ERC1: variants seen among roughly 807,000 people sequenced by gnomAD.
The protein encoded by ERC1 is RAB6 interacting protein 2.
ERC1 carries 56 observed loss-of-function variants against 132.0 expected under a neutral mutation model. That is an observed-to-expected ratio of 0.42 (90% CI 0.34 to 0.53). The LOEUF is 0.53. Ranked by LOEUF, ERC1 falls within the 20% of genes least tolerant of loss-of-function variation. The pLI, the probability that ERC1 is intolerant of heterozygous loss-of-function variation, is 0.03. For missense variants in ERC1, 1,202 were observed against 1,349.9 expected (o/e 0.89, Z 1.72); for synonymous variants, 478 against 476.1 (o/e 1.00, Z -0.05).
chr12:1,267,997 G>T (rs965591783), intron 14 of ERC1, among the ~76,000 whole-genome samples: 3 of 152,016 alleles, frequency 2.0e-5, no homozygotes, highest in Non-Finnish European at 2.9e-5. Context: ...ATATTTTTTT[G>T]TTGTTGTTAA....
chr12:1,153,807 A>G (rs543500372), intron 8 of ERC1, among the ~76,000 whole-genome samples: 6 of 152,174 alleles, frequency 3.9e-5, no homozygotes, highest in East Asian at 1.9e-4. Context: ...TTTGGCCTAC[A>G]TAATCACAGG....
chr12:1,169,056 G>A (rs1952767090), intron 8 of ERC1, among the ~76,000 whole-genome samples: 1 of 152,090 alleles, frequency 6.6e-6, no homozygotes, highest in Admixed American at 6.5e-5. Context: ...CAACCAAGTT[G>A]GTGATATACA....
At chr12:1,142,697 T>C (rs1184181419) in intron 8 of ERC1, among the ~76,000 whole-genome samples, 1 of 152,252 alleles carries the variant, frequency 6.6e-6, no homozygotes, top group Non-Finnish European at 1.5e-5. Context: ...ACAATGTCAG[T>C]GTAGTTGGAG....
At chr12:1,259,473 A>G (rs1332228773) in intron 13 of ERC1, among the ~76,000 whole-genome samples, 3 of 141,932 alleles carry the variant, frequency 2.1e-5, no homozygotes, top group Non-Finnish European at 4.7e-5. Context: ...AGGGTACCTT[A>G]GTTTTCCTTT....
intron 15 of ERC1, among the ~76,000 whole-genome samples, chr12:1,317,059 G>A (rs1414502497): frequency 6.6e-6 from 1 of 151,870 alleles, no homozygotes; most frequent in Non-Finnish European, 1.5e-5. Context: ...TACTCAGGAG[G>A]CTGAGACAGG....
At chr12:1,300,864 G>A (rs1053399428) in intron 15 of ERC1, among the ~76,000 whole-genome samples, 1 of 151,990 alleles carries the variant, frequency 6.6e-6, no homozygotes, top group East Asian at 1.9e-4. Context: ...GTATAAATTA[G>A]TTCAACCATT....
intron 14 of ERC1, among the ~76,000 whole-genome samples, chr12:1,283,229 C>T (rs1376021484): frequency 6.6e-6 from 1 of 152,190 alleles, no homozygotes. Context: ...TTACTGAAGG[C>T]AGTTACATAT....
At chr12:990,950 T>A (rs148536385), upstream of ERC1, 97 of 39,440 alleles carry the variant, frequency 2.5e-3, no homozygotes, top group African/African-American at 5.1e-3. Flanking sequence ...TGTGTGTGTG[T>A]GAGTGTGTGT....
At chr12:1,083,717 G>A (rs1167834843) in intron 3 of ERC1, 137 bp downstream of exon 3, 6 of 674,794 alleles carry the variant, frequency 8.9e-6, no homozygotes, top group Non-Finnish European at 1.2e-5. Flanking sequence ...ATTTAAGTGC[G>A]TCACTGATTT....
chr12:1,126,900 A>T (rs1333682039), intron 7 of ERC1, among the ~76,000 whole-genome samples: 11 of 148,286 alleles, frequency 7.4e-5, no homozygotes, highest in Non-Finnish European at 1.2e-4. Flanking sequence ...AGGCAGGAGA[A>T]TTGCTTGAAC....
At chr12:1,306,717 A>G (rs1421769476) in intron 15 of ERC1, among the ~76,000 whole-genome samples, 2 of 152,134 alleles carry the variant, frequency 1.3e-5, no homozygotes, top group African/African-American at 4.8e-5. Flanking sequence ...CTAATCAGAA[A>G]GTTGGGTTTT....
At chr12:1,279,644 G>C (rs1469473772) in intron 14 of ERC1, among the ~76,000 whole-genome samples, 2 of 147,044 alleles carry the variant, frequency 1.4e-5, no homozygotes, top group African/African-American at 5.0e-5. Context: ...ATGGATACTG[G>C]TTTTCAAAGC....
At chr12:1,457,569 C>T (rs542615561) in intron 18 of ERC1, among the ~76,000 whole-genome samples, 1 of 152,230 alleles carries the variant, frequency 6.6e-6, no homozygotes, top group Admixed American at 6.5e-5. Flanking sequence ...ATTTTCAAGT[C>T]TTTGGAAAGA....
At chr12:1,040,630 G>T (rs1038735647) in intron 2 of ERC1, among the ~76,000 whole-genome samples, 108 of 152,104 alleles carry the variant, frequency 7.1e-4, no homozygotes, top group African/African-American at 2.5e-3. Flanking sequence ...TTTCTTTCCA[G>T]ATTTGGAAAG....
At position 1,408,207 on chromosome 12, in the gene ERC1, C is replaced by A. The variant is rs755015883; in HGVS notation, c.2984C>A (p.Ser995Tyr). The A allele has an allele frequency of 7.4e-6, 12 of 1,613,878 alleles. No individual in the cohort carries two copies. The Admixed American group carries it at 1.0e-4, about 13-fold the overall frequency. Residue 995 changes from serine to tyrosine, a missense_variant, in exon 17 of 19, where the codon TCC becomes TAC. Physicochemically the swap from Ser to Tyr is moderately radical, Grantham distance 144 (BLOSUM62 -2). Coordinates refer to ENST00000360905, the MANE Select transcript of ERC1 (RefSeq NM_178040.4). ...DNYEDDHFKS[S>Y]HSNQTNHKPS... ...TACGAGGATGACCACTTCAAATCCT[C>A]CCATTCCAATCAAACAAATCACAAG...
chr12:1,315,838 A>G (rs940348096), intron 15 of ERC1, among the ~76,000 whole-genome samples: 1 of 152,222 alleles, frequency 6.6e-6, no homozygotes, highest in Admixed American at 6.5e-5. Context: ...TCACTTTACA[A>G]AACTGATAAC....
intron 12 of ERC1, among the ~76,000 whole-genome samples, chr12:1,218,833 T>TACAC (rs60378521): frequency 1.7e-3 from 255 of 148,586 alleles, no homozygotes; most frequent in Non-Finnish European, 2.8e-3. Context: ...TATATATATA[T>TACAC]ACACACACAC....
chr12:1,082,506 T>A (rs1472692035), intron 2 of ERC1, among the ~76,000 whole-genome samples: 5 of 127,046 alleles, frequency 3.9e-5, no homozygotes, highest in South Asian at 2.5e-4. Context: ...TTTTTTTTTT[T>A]AAGACAGAGT....
intron 1 of ERC1, among the ~76,000 whole-genome samples, chr12:1,025,023 C>G (rs1199245784): frequency 6.6e-6 from 1 of 151,996 alleles, no homozygotes; most frequent in Non-Finnish European, 1.5e-5. Context: ...TATGCAATTA[C>G]TGTGTCATTT....
Sources: allele counts gnomAD v4.1 joint callset (sites outside exome capture counted in the v4.1 genomes callset), GRCh38; gene constraint gnomAD v4.1.1; transcripts MANE v1.5; gene names NCBI Gene and HGNC (gene_info 2026-07-23, HGNC 2026-07-21).